SNAP23: variants seen among roughly 807,000 people sequenced by gnomAD.
SNAP23 encodes synaptosome associated protein 23, also known as synaptosomal-associated protein 23.
SNAP23 carries 11 observed loss-of-function variants against 29.0 expected under a neutral mutation model. The observed-to-expected ratio is 0.38, with a 90% confidence interval of 0.24 to 0.63. The LOEUF is 0.63. Ranked by LOEUF, SNAP23 falls within the 20% of genes least tolerant of loss-of-function variation. The pLI is 0.58. For synonymous variants in SNAP23, 60 were observed against 82.9 expected (o/e 0.72, Z 1.50); for missense variants, 220 against 253.9 (o/e 0.87, Z 0.91).
chr15:42,498,229 G>A (rs1175561395), intron 1 of SNAP23, among the ~76,000 whole-genome samples: 3 of 152,152 alleles, frequency 2.0e-5, no homozygotes, highest in Non-Finnish European at 2.9e-5. Flanking sequence ...GGGGGTGGGC[G>A]GTGTCCAATC....
upstream of SNAP23, among the ~76,000 whole-genome samples, chr15:42,494,987 T>C (rs2057204439): frequency 1.3e-5 from 2 of 152,200 alleles, no homozygotes; most frequent in South Asian, 4.1e-4. Context: ...TTCCAAGATC[T>C]AGCGATTGTT....
intron 1 of SNAP23, among the ~76,000 whole-genome samples, chr15:42,510,565 GTAAATACTT>G (rs1249521404): frequency 3.3e-5 from 5 of 152,156 alleles, no homozygotes; most frequent in African/African-American, 1.2e-4. Flanking sequence ...TAAGAGCCAT[GTAAATACTT>G]TGAGAGTACA....
intron 1 of SNAP23, among the ~76,000 whole-genome samples, chr15:42,504,051 C>T (rs1436434472): frequency 1.3e-5 from 2 of 151,866 alleles, no homozygotes; most frequent in Non-Finnish European, 2.9e-5. Flanking sequence ...AGACCCTTGC[C>T]AGGCAAAGTG....
chr15:42,520,353 A>C (rs1400218424), intron 5 of SNAP23, among the ~76,000 whole-genome samples: 1 of 151,866 alleles, frequency 6.6e-6, no homozygotes, highest in Non-Finnish European at 1.5e-5. Flanking sequence ...ACAGCCCACA[A>C]ATCCTTTTTT....
chr15:42,511,919 A>T lies in SNAP23; in HGVS notation c.57+16A>T. 6.6e-7 allele frequency: 1 copy of T among 1,522,666 alleles called. No homozygotes were observed. Among genetic ancestry groups the T allele is most frequent in the Non-Finnish European group, 9.0e-7 (1 of 1,107,988 alleles). The allele number at this position is 1,522,666 out of a possible 1,614,324, so 94.3% of individuals were successfully genotyped here. A position where few individuals can be genotyped will look rare whatever the true frequency, so the allele number is the denominator to read the frequency against. On this transcript the variant is annotated intron_variant, in intron 2 of 7. Coordinates refer to ENST00000249647, the MANE Select transcript of SNAP23 (RefSeq NM_003825.4). ...TACTGATGAGGTAAATGTTTTACCT[A>T]AAATAAGTAAATAATTCTATTTCAG...
intron 5 of SNAP23, among the ~76,000 whole-genome samples, chr15:42,525,446 GTCT>G (rs1566819527): frequency 2.6e-5 from 2 of 77,876 alleles, no homozygotes; most frequent in Non-Finnish European, 2.8e-5. Context: ...CAAAGATCCA[GTCT>G]TCTTTTTTTT....
Position 42,513,414 on chromosome 15 carries a change from A to C in SNAP23, c.115A>C (p.Ile39Leu). 6.2e-7 allele frequency: 1 copy of C among 1,613,882 alleles called. No individual in the cohort carries two copies. The highest frequency in any genetic ancestry group is 8.5e-7 in the Non-Finnish European group (1 of 1,179,806). ...GLAIESQDAGIKTITMLDEQK... is the reference protein window; with the variant it reads ...GLAIESQDAGLKTITMLDEQK... ...CTTGTCTTAGTCTCAGGATGCAGGAATCAAGACCATCACTATGCTGGATGA... is the reference window on the plus strand; with the variant it reads ...CTTGTCTTAGTCTCAGGATGCAGGACTCAAGACCATCACTATGCTGGATGA... The change falls in exon 4 of 8, where the codon ATC becomes CTC. Residue 39 changes from isoleucine to leucine, a missense_variant. Transcript: ENST00000249647.
intron 1 of SNAP23, among the ~76,000 whole-genome samples, chr15:42,498,551 T>C (rs1015066384): frequency 1.3e-5 from 2 of 152,194 alleles, no homozygotes; most frequent in African/African-American, 4.8e-5. Context: ...TTTTTCTTCC[T>C]AGGCCTCAGG....
At chr15:42,508,262 C>CAAA (rs5812223) in intron 1 of SNAP23, among the ~76,000 whole-genome samples, 23 of 89,734 alleles carry the variant, frequency 2.6e-4, no homozygotes, top group South Asian at 6.9e-4. Flanking sequence ...AGCCTTGCCT[C>CAAA]AAAAAAAAAA....
Position 42,514,511 on chromosome 15 carries a change from G to A in SNAP23, c.149-726G>A, listed in dbSNP as rs148275192. Reference sequence around the variant, plus strand: ...AGTTCTAAAACAGATCTAGATTCAGGTATGCTTGGAAACACTTGAGTTGAG... The same window carrying A: ...AGTTCTAAAACAGATCTAGATTCAGATATGCTTGGAAACACTTGAGTTGAG... On this transcript the variant is annotated intron_variant, in intron 4 of 7. Coordinates refer to ENST00000249647, the MANE Select transcript of SNAP23 (RefSeq NM_003825.4). Among the ~76,000 whole-genome samples, 493 of 152,152 alleles carry A rather than the reference G, an allele frequency of 3.2e-3. 7 individuals are homozygous for A. The highest frequency in any genetic ancestry group is 0.011 in the African/African-American group (469 of 41,516).
At position 42,525,451 on chromosome 15, in the gene SNAP23, C is replaced by T. The variant is rs796832236; in HGVS notation, c.267-2811C>T. The stretch of plus-strand genomic sequence containing the variant: ...AGAACATCTTCAAAGATCCAGTCTT[C>T]TTTTTTTTTTTTTTTTTTTTTTTTT... On this transcript the variant is annotated intron_variant, in intron 5 of 7. Coordinates refer to ENST00000249647, the MANE Select transcript of SNAP23 (RefSeq NM_003825.4). 2.7e-3 allele frequency among the ~76,000 whole-genome samples: 128 copies of T among 47,126 alleles called. 1 individual carries two copies. The East Asian group carries it at 0.042, about 16-fold the overall frequency. 30.9% of individuals were successfully genotyped at this position (47,126 alleles called of 152,430 possible).
chr15:42,508,453 A>G (rs984973262), intron 1 of SNAP23, among the ~76,000 whole-genome samples: 1 of 152,172 alleles, frequency 6.6e-6, no homozygotes, highest in African/African-American at 2.4e-5. Context: ...TCAAGAACAC[A>G]GAGTAATCTT....
At chr15:42,505,109 C>CT (rs146660969) in intron 1 of SNAP23, 7,139 of 148,550 alleles carry the variant, frequency 0.048, 566 homozygotes, top group African/African-American at 0.16. Context: ...TTTTTTTTTT[C>CT]TTTTTTTTTC....
chr15:42,515,266 G>A lies in SNAP23; in HGVS notation c.178G>A (p.Asp60Asn), dbSNP rs1272564170. The change falls in exon 5 of 8, where the codon GAC becomes AAC. Residue 60 changes from aspartate to asparagine, a missense_variant. Transcript: ENST00000249647. ...EQLNRIEEGL[D>N]QINKDMRETE... is the part of the protein sequence containing the mutation. Reference sequence around the variant, plus strand: ...ACTAAACCGCATAGAAGAAGGCTTGGACCAAATAAATAAGGACATGAGAGA... The same window carrying A: ...ACTAAACCGCATAGAAGAAGGCTTGAACCAAATAAATAAGGACATGAGAGA... 2.5e-6 allele frequency: 4 copies of A among 1,610,940 alleles called. No homozygotes were observed. The highest frequency in any genetic ancestry group is 2.2e-5 in the East Asian group (1 of 44,610).
At chr15:42,530,362 G>GT (rs2057551775) in intron 7 of SNAP23, among the ~76,000 whole-genome samples, 2 of 152,220 alleles carry the variant, frequency 1.3e-5, no homozygotes, top group South Asian at 4.1e-4. Flanking sequence ...ATAGAGTCAT[G>GT]TGAGTGAAAG....
intron 4 of SNAP23, among the ~76,000 whole-genome samples, chr15:42,514,434 C>A (rs2057382548): frequency 6.6e-6 from 1 of 152,176 alleles, no homozygotes; most frequent in Admixed American, 6.5e-5. Context: ...TAGGCGTGAG[C>A]CACCGTGTCT....
chr15:42,492,889 A>G (rs1186216307), upstream of SNAP23: 1 of 152,162 alleles, frequency 6.6e-6, no homozygotes, highest in Non-Finnish European at 1.5e-5. Context: ...ATTTTACCCT[A>G]TAAACTCTGG....
chr15:42,512,737 A>C (rs2057367138), intron 2 of SNAP23, among the ~76,000 whole-genome samples: 1 of 151,760 alleles, frequency 6.6e-6, no homozygotes, highest in South Asian at 2.1e-4. Flanking sequence ...CCTTTAATGG[A>C]AACAGTCTCA....
intron 5 of SNAP23, chr15:42,521,636 C>T: frequency 6.7e-7 from 1 of 1,501,692 alleles, no homozygotes; most frequent in East Asian, 2.5e-5. Context: ...AAGCCGGGCT[C>T]AGTAACTGAT....
Sources: allele counts gnomAD v4.1 joint callset (sites outside exome capture counted in the v4.1 genomes callset), GRCh38; gene constraint gnomAD v4.1.1; transcripts MANE v1.5; gene names NCBI Gene and HGNC (gene_info 2026-07-23, HGNC 2026-07-21).